The following ZHX3 variants were observed in gnomAD, a reference collection of about 807,000 sequenced individuals.
ZHX3 encodes zinc fingers and homeoboxes 3, also known as zinc fingers and homeoboxes protein 3.
Under a neutral mutation model 64.5 loss-of-function variants are expected in ZHX3, and 20 were observed. That is an observed-to-expected ratio of 0.31 (90% CI 0.22 to 0.45). The LOEUF is 0.45. Among genes scored for constraint, ZHX3 ranks in the 20% least tolerant of loss-of-function variants. The probability of loss-of-function intolerance (pLI) is 1.00; values close to 1 mark genes in which losing one functional copy is unlikely to be tolerated. For synonymous variants in ZHX3, 423 were observed against 461.6 expected, an observed-to-expected ratio of 0.92 and a Z score of 1.07; for missense variants, 1,041 against 1,195.8, an observed-to-expected ratio of 0.87 and a Z score of 1.91.
Position 41,203,590 on chromosome 20 carries a change from G to C in ZHX3, c.1327C>G (p.Leu443Val). ...ANGLQATSSP[L>V]PLTVTSVPKQ... ...GGGACGGATGTCACCGTGAGGGGGAGAGGGGAACTTGTTGCTTGCAACCCA... is the reference window on the plus strand; with the variant it reads ...GGGACGGATGTCACCGTGAGGGGGACAGGGGAACTTGTTGCTTGCAACCCA... The change falls in exon 3 of 4, where the codon CTC becomes GTC. Residue 443 changes from leucine (L) to valine (V), a missense_variant. Leu to Val is a conservative substitution (Grantham distance 32, BLOSUM62 1). Around this residue, in one of 4 missense-constraint regions of ZHX3, gnomAD observed 649 missense variants for 739.8 expected, o/e 0.88. Transcript: ENST00000683867. The surrounding 1 kb of genome is among the most constrained non-coding windows in gnomAD (Gnocchi z 7.1). 2 of 1,614,240 alleles carry C rather than the reference G, an allele frequency of 1.2e-6. No individual in the cohort carries two copies. Among genetic ancestry groups the C allele is most frequent in the Non-Finnish European group, 1.7e-6 (2 of 1,180,044 alleles).
intron 2 of ZHX3, among the ~76,000 whole-genome samples, chr20:41,233,457 A>T (rs562871294): frequency 1.2e-4 from 18 of 152,354 alleles, no homozygotes; most frequent in South Asian, 2.1e-4. Flanking sequence ...AATCTTTTGC[A>T]GCCCTCTCAG....
chr20:41,296,639 C>G (rs2044544163), intron 1 of ZHX3, among the ~76,000 whole-genome samples: 1 of 152,160 alleles, frequency 6.6e-6, no homozygotes, highest in Admixed American at 6.5e-5. Context: ...TCCCAGATGC[C>G]CACTCCAACT....
rs77091275 is a variant in ZHX3, at chr20:41,201,636, C to A, written c.2860+421G>T. Among the ~76,000 whole-genome samples, 45 of 152,306 alleles carry A rather than the reference C, an allele frequency of 3.0e-4. No individual in the cohort carries two copies. The East Asian group carries it at 6.8e-3, about 23-fold the overall frequency. On this transcript the variant is annotated intron_variant, in intron 3 of 3. Transcript: ENST00000683867. This position sits in a 1 kb window ranked among gnomAD's most constrained non-coding sequence, Gnocchi z 5.0. Reference sequence around the variant, plus strand: ...CATCAGAAAAAAGCACATTATGTATCTAAGGACAATTAAAGGCTCTCTTTC... The same window carrying A: ...CATCAGAAAAAAGCACATTATGTATATAAGGACAATTAAAGGCTCTCTTTC...
At chr20:41,227,844 A>G (rs17180534) in intron 2 of ZHX3, among the ~76,000 whole-genome samples, 11,015 of 152,224 alleles carry the variant, frequency 0.072, 445 homozygotes, top group Middle Eastern at 0.17. Flanking sequence ...TAGTCCAAGT[A>G]TATCATAGTG....
Position 41,226,785 on chromosome 20 carries a change from C to A in ZHX3, c.-150-21719G>T, listed in dbSNP as rs1451745643. Among the ~76,000 whole-genome samples the A allele has an allele frequency of 6.6e-6, 1 of 152,124 alleles. No homozygotes were observed. The highest frequency in any genetic ancestry group is 1.5e-5 in the Non-Finnish European group (1 of 68,022). ...TCCAAAAGGGAAGGAAGCTATTATACCTTTCCTATCCCTTTCTGTTGGAAG... is the reference window on the plus strand; with the variant it reads ...TCCAAAAGGGAAGGAAGCTATTATAACTTTCCTATCCCTTTCTGTTGGAAG... On this transcript the variant is annotated intron_variant, in intron 2 of 3. Coordinates refer to ENST00000683867, the MANE Select transcript of ZHX3 (RefSeq NM_001384317.1). This position sits in a 1 kb window ranked among gnomAD's most constrained non-coding sequence, Gnocchi z 4.4.
intron 1 of ZHX3, among the ~76,000 whole-genome samples, chr20:41,280,266 T>G (rs971000749): frequency 2.6e-5 from 4 of 152,216 alleles, no homozygotes; most frequent in Non-Finnish European, 5.9e-5. Context: ...CAATCCTGGA[T>G]GCACATCAGA....
At chr20:41,216,849 A>G (rs2146310490) in intron 2 of ZHX3, among the ~76,000 whole-genome samples, 1 of 152,346 alleles carries the variant, frequency 6.6e-6, no homozygotes, top group Admixed American at 6.5e-5. Flanking sequence ...TGCACTCACT[A>G]TCACTGCATA....
rs1404798081 is a variant in ZHX3 at position 41,224,929 on chromosome 20, G to C, written c.-150-19863C>G. Among the ~76,000 whole-genome samples, 1 of 152,170 alleles carries C rather than the reference G, an allele frequency of 6.6e-6. No individual in the cohort carries two copies. Among genetic ancestry groups the C allele is most frequent in the East Asian group, 1.9e-4 (1 of 5,204 alleles). On this transcript the variant is annotated intron_variant, in intron 2 of 3. Coordinates refer to ENST00000683867, the MANE Select transcript of ZHX3 (RefSeq NM_001384317.1). The surrounding 1 kb of genome is among the most constrained non-coding windows in gnomAD (Gnocchi z 5.2). ...TCAAAATTTGTCTGGATCTTCATCTGATTCTTTTCCTGCTTATTGTCTTTC... is the reference window on the plus strand; with the variant it reads ...TCAAAATTTGTCTGGATCTTCATCTCATTCTTTTCCTGCTTATTGTCTTTC...
At chr20:41,207,970 G>A (rs1315038134) in intron 2 of ZHX3, among the ~76,000 whole-genome samples, 1 of 152,036 alleles carries the variant, frequency 6.6e-6, no homozygotes, top group Non-Finnish European at 1.5e-5. Flanking sequence ...AGAAAAGAGA[G>A]AAGAATCAAA....
chr20:41,298,680 G>A (rs906931374), intron 1 of ZHX3, among the ~76,000 whole-genome samples: 1 of 152,206 alleles, frequency 6.6e-6, no homozygotes, highest in Non-Finnish European at 1.5e-5. Context: ...AGTAAGTTTA[G>A]TAAGGGACTG....
At position 41,184,984 on chromosome 20, in the gene ZHX3, C is replaced by T. The variant is rs1160001265; in HGVS notation, c.*207G>A. 1.3e-6 allele frequency: 2 copies of T among 1,550,064 alleles called. No individual in the cohort carries two copies. The highest frequency in any genetic ancestry group is 2.4e-5 in the South Asian group (2 of 84,064). On this transcript the variant is annotated 3_prime_UTR_variant, in exon 4 of 4. Coordinates refer to ENST00000683867, the MANE Select transcript of ZHX3 (RefSeq NM_001384317.1). Reference sequence around the variant, plus strand: ...TTGTGGGAGGAAGAACTGATGAGAACCCCATCTTGCTTGCTGCTTGCTTGG... The same window carrying T: ...TTGTGGGAGGAAGAACTGATGAGAATCCCATCTTGCTTGCTGCTTGCTTGG...
intron 2 of ZHX3, among the ~76,000 whole-genome samples, chr20:41,230,897 T>A (rs1242339899): frequency 6.6e-6 from 1 of 152,230 alleles, no homozygotes; most frequent in African/African-American, 2.4e-5. Flanking sequence ...ACAGTTTACA[T>A]TAGAGTTCAC....
Position 41,202,457 on chromosome 20 carries a change from C to T in ZHX3, c.2460G>A (p.Lys820=), listed in dbSNP as rs746973724. 7.4e-6 allele frequency: 12 copies of T among 1,614,064 alleles called. No homozygotes were observed. In the East Asian group the frequency reaches 1.8e-4, roughly 24 times the overall value. ...RWFGDSRYAL[K]NGQLKWYEDY... ...CTTCGTACCATTTGAGTTGGCCGTT[C>T]TTCAGTGCGTACCTGCTATCTCCAA... Residue 820 remains lysine (K), a synonymous_variant, in exon 3 of 4, where the codon AAG becomes AAA. Coordinates refer to ENST00000683867, the MANE Select transcript of ZHX3 (RefSeq NM_001384317.1). The surrounding 1 kb of genome is among the most constrained non-coding windows in gnomAD (Gnocchi z 7.0).
rs2038352629 is a variant in ZHX3 at position 41,202,798 on chromosome 20, C to T, written c.2119G>A (p.Gly707Ser). 3 of 1,614,010 alleles carry T rather than the reference C, an allele frequency of 1.9e-6. No homozygotes were observed. The highest frequency in any genetic ancestry group is 3.3e-5 in the Admixed American group (2 of 60,004). ...TGGCTGCTGGGCATTTCCAGAGAGC[C>T]ATTTTCACCAGAGACCCTTAGCTCA... ...ASELRVSGEN[G>S]SLEMPSSHIL... The change falls in exon 3 of 4, where the codon GGC becomes AGC. Residue 707 changes from glycine to serine, a missense_variant. By Grantham distance (56) the Gly-to-Ser change is moderately conservative. This residue lies in a region of ZHX3 where 649 missense variants were observed against 739.8 expected (regional missense o/e 0.88). Transcript: ENST00000683867. This position sits in a 1 kb window ranked among gnomAD's most constrained non-coding sequence, Gnocchi z 7.0.
intron 2 of ZHX3, among the ~76,000 whole-genome samples, chr20:41,261,903 A>G (rs2042580032): frequency 6.6e-6 from 1 of 152,064 alleles, no homozygotes; most frequent in South Asian, 2.1e-4. Flanking sequence ...CAAGTCCTAA[A>G]ATAAACTTTC....
intron 3 of ZHX3, among the ~76,000 whole-genome samples, chr20:41,199,666 C>T (rs780064050): frequency 2.6e-5 from 4 of 151,304 alleles, no homozygotes; most frequent in African/African-American, 9.7e-5. Context: ...CTGGCCCCCT[C>T]AGTGATTAAA....
At chr20:41,303,978 G>A (rs919925528) in intron 1 of ZHX3, among the ~76,000 whole-genome samples, 6 of 152,180 alleles carry the variant, frequency 3.9e-5, no homozygotes, top group Admixed American at 1.3e-4. Context: ...TTCACCTCCA[G>A]TGATACCTCT....
intron 1 of ZHX3, among the ~76,000 whole-genome samples, chr20:41,296,634 G>A (rs1179917068): frequency 1.3e-5 from 2 of 152,126 alleles, no homozygotes; most frequent in African/African-American, 4.8e-5. Flanking sequence ...CTATTTCCCA[G>A]ATGCCCACTC....
In ZHX3 at chr20:41,212,073, T is replaced by C. The variant is rs1428305317; in HGVS notation, c.-150-7007A>G. Among the ~76,000 whole-genome samples the C allele has an allele frequency of 6.6e-6, 1 of 152,186 alleles. No homozygotes were observed. Among genetic ancestry groups the C allele is most frequent in the Non-Finnish European group, 1.5e-5 (1 of 68,036 alleles). On this transcript the variant is annotated intron_variant, in intron 2 of 3. Transcript: ENST00000683867. This position sits in a 1 kb window ranked among gnomAD's most constrained non-coding sequence, Gnocchi z 4.3. ...ATGTCATCAAAATTAAAAACTTGCA[T>C]TCTTCAAAGGTCACCATCAAGAAAG...
Sources: allele counts gnomAD v4.1 joint callset (sites outside exome capture counted in the v4.1 genomes callset), GRCh38; gene constraint gnomAD v4.1.1; regional missense constraint gnomAD v4.1.1; non-coding constraint Gnocchi (gnomAD v3.1); transcripts MANE v1.5; gene names NCBI Gene and HGNC (gene_info 2026-07-23, HGNC 2026-07-21).